Variants in SMYD3 observed in about 807,000 individuals in gnomAD.
SMYD3 encodes the protein histone-lysine N-methyltransferase SMYD3.
In SMYD3, 36 loss-of-function variants were observed where a neutral mutation model predicts 57.7. The observed-to-expected ratio is 0.62, with a 90% confidence interval of 0.48 to 0.82. The LOEUF is 0.82. Among genes scored for constraint, SMYD3 ranks in the 40% least tolerant of loss-of-function variants. The pLI is 0.00. For missense variants in SMYD3, 515 were observed against 538.8 expected, an observed-to-expected ratio of 0.96 and a Z score of 0.44; for synonymous variants, 211 against 195.0, an observed-to-expected ratio of 1.08 and a Z score of -0.68.
intron 1 of SMYD3, among the ~76,000 whole-genome samples, chr1:246,502,904 T>C (rs888384493): frequency 3.9e-5 from 6 of 152,172 alleles, no homozygotes; most frequent in African/African-American, 1.4e-4. Context: ...CTCCACCTCC[T>C]TCACAGTGGT....
At chr1:245,952,863 G>A (rs1167160484) in intron 5 of SMYD3, among the ~76,000 whole-genome samples, 1 of 152,214 alleles carries the variant, frequency 6.6e-6, no homozygotes, top group African/African-American at 2.4e-5. Context: ...AGTGCATACA[G>A]GGTTGTGTCT....
intron 5 of SMYD3, among the ~76,000 whole-genome samples, chr1:246,015,954 C>A (rs940063175): frequency 6.6e-6 from 1 of 152,158 alleles, no homozygotes; most frequent in Non-Finnish European, 1.5e-5. Flanking sequence ...AATTTTATTT[C>A]TAATGTTCTA....
At chr1:246,227,679 G>T (rs888463203) in intron 5 of SMYD3, among the ~76,000 whole-genome samples, 1 of 152,080 alleles carries the variant, frequency 6.6e-6, no homozygotes, top group East Asian at 1.9e-4. Flanking sequence ...TTGAGTGGTG[G>T]ATGAAACTCC....
intron 7 of SMYD3, among the ~76,000 whole-genome samples, chr1:245,922,438 C>A (rs997874664): frequency 2.6e-5 from 4 of 152,116 alleles, no homozygotes; most frequent in Non-Finnish European, 5.9e-5. Flanking sequence ...ATACACAAAC[C>A]AAATGTTATT....
intron 2 of SMYD3, among the ~76,000 whole-genome samples, chr1:246,348,065 T>TAG: frequency 1.2e-5 from 1 of 80,582 alleles, no homozygotes; most frequent in African/African-American, 5.2e-5. Flanking sequence ...AAACGTTATA[T>TAG]ATATATATAT....
At chr1:245,846,340 T>G (rs2050663788) in intron 10 of SMYD3, among the ~76,000 whole-genome samples, 2 of 152,172 alleles carry the variant, frequency 1.3e-5, no homozygotes, top group South Asian at 4.1e-4. Flanking sequence ...GTGAAGGTGC[T>G]CAGGTGGATT....
In SMYD3 at chr1:246,227,795, T is replaced by A. The variant is rs148670948; in HGVS notation, c.531+99406A>T. 1.3e-4 allele frequency among the ~76,000 whole-genome samples: 20 copies of A among 152,232 alleles called. No individual in the cohort carries two copies. In the East Asian group the frequency reaches 3.9e-3, roughly 29 times the overall value. Reference sequence around the variant, plus strand: ...TCTCCAGCCACTCTACCTTTATGCATAAAATGAAAATAATATTAGTTTACA... The same window carrying A: ...TCTCCAGCCACTCTACCTTTATGCAAAAAATGAAAATAATATTAGTTTACA... On this transcript the variant is annotated intron_variant, in intron 5 of 11. Coordinates refer to ENST00000490107, the MANE Select transcript of SMYD3 (RefSeq NM_001167740.2).
intron 2 of SMYD3, among the ~76,000 whole-genome samples, chr1:246,353,245 T>G (rs1044820030): frequency 3.3e-5 from 5 of 152,188 alleles, no homozygotes; most frequent in Non-Finnish European, 5.9e-5. Context: ...AGTGTTATAC[T>G]GGCTGGGCAC....
intron 5 of SMYD3, among the ~76,000 whole-genome samples, chr1:246,033,648 G>A (rs943232750): frequency 6.6e-6 from 1 of 152,074 alleles, no homozygotes; most frequent in Non-Finnish European, 1.5e-5. Flanking sequence ...TTAGCCAGGC[G>A]TGGTGGCGCG....
intron 5 of SMYD3, among the ~76,000 whole-genome samples, chr1:246,250,053 C>A (rs1358732185): frequency 2.0e-5 from 3 of 152,182 alleles, no homozygotes; most frequent in Non-Finnish European, 4.4e-5. Context: ...TTCCCTCCCC[C>A]TCTCTTGATA....
At chr1:245,781,718 C>T (rs1452155689) in intron 10 of SMYD3, among the ~76,000 whole-genome samples, 1 of 152,154 alleles carries the variant, frequency 6.6e-6, no homozygotes, top group Non-Finnish European at 1.5e-5. Flanking sequence ...CGCTGGCTCA[C>T]ACCTGTAATC....
chr1:246,060,154 G>A (rs1309863526), intron 5 of SMYD3, among the ~76,000 whole-genome samples: 2 of 151,994 alleles, frequency 1.3e-5, no homozygotes, highest in African/African-American at 4.8e-5. Flanking sequence ...CAGGCATGGT[G>A]GCACACATCT....
At chr1:246,310,882 C>T (rs1214791140) in intron 5 of SMYD3, among the ~76,000 whole-genome samples, 1 of 151,816 alleles carries the variant, frequency 6.6e-6, no homozygotes, top group Non-Finnish European at 1.5e-5. Context: ...GTTGGCCAGG[C>T]TGGTCTCGAA....
chr1:246,466,784 G>A (rs2067888415), intron 1 of SMYD3, among the ~76,000 whole-genome samples: 1 of 152,228 alleles, frequency 6.6e-6, no homozygotes, highest in South Asian at 2.1e-4. Context: ...GGAAATCAAG[G>A]CTCCAGTGAG....
At chr1:246,186,494 A>G (rs752108669) in intron 5 of SMYD3, among the ~76,000 whole-genome samples, 14 of 152,264 alleles carry the variant, frequency 9.2e-5, no homozygotes, top group South Asian at 2.1e-4. Context: ...ATCATTTCAA[A>G]GTCTTTCCTC....
chr1:246,253,595 T>A (rs924030419), intron 5 of SMYD3, among the ~76,000 whole-genome samples: 4 of 152,250 alleles, frequency 2.6e-5, no homozygotes, highest in African/African-American at 7.2e-5. Flanking sequence ...TCCATGAGCA[T>A]GGAATGTCTT....
At chr1:246,464,395 T>C (rs925584996) in intron 1 of SMYD3, among the ~76,000 whole-genome samples, 4 of 152,098 alleles carry the variant, frequency 2.6e-5, no homozygotes, top group Non-Finnish European at 4.4e-5. Flanking sequence ...CATGTGCCTA[T>C]GATCCCAGCT....
At chr1:245,875,062 C>T (rs540595904) in intron 8 of SMYD3, among the ~76,000 whole-genome samples, 104 of 152,362 alleles carry the variant, frequency 6.8e-4, no homozygotes, top group Non-Finnish European at 1.2e-3. Flanking sequence ...GCTGACGGCA[C>T]GGCGAGCCGC....
chr1:246,112,697 C>CA (rs993927816), intron 5 of SMYD3, among the ~76,000 whole-genome samples: 1 of 150,360 alleles, frequency 6.7e-6, no homozygotes, highest in African/African-American at 2.4e-5. Context: ...AAAGACAAAG[C>CA]AAAAAAATAA....
Sources: allele counts gnomAD v4.1 joint callset (sites outside exome capture counted in the v4.1 genomes callset), GRCh38; gene constraint gnomAD v4.1.1; transcripts MANE v1.5; gene names NCBI Gene and HGNC (gene_info 2026-07-23, HGNC 2026-07-21).